The following HAPLN3 variants were observed in gnomAD, a reference collection of about 807,000 sequenced individuals.
The protein encoded by HAPLN3 is hyaluronan and proteoglycan link protein 3, also known as extracellular link domain containing, 1.
In HAPLN3, 28 loss-of-function variants were observed where a neutral mutation model predicts 28.1. The ratio of observed to expected loss-of-function variants is 1.00; its 90% CI spans 0.74 to 1.37. The LOEUF is 1.37. Ranked by LOEUF, HAPLN3 falls within the 40% of genes most tolerant of loss-of-function variation. The pLI is 0.00. For missense variants in HAPLN3, 513 were observed against 504.6 expected, an observed-to-expected ratio of 1.02 and a Z score of -0.16; for synonymous variants, 211 against 213.1, an observed-to-expected ratio of 0.99 and a Z score of 0.09.
Position 88,888,696 on chromosome 15 carries a change from G to T in HAPLN3, c.-47-1351C>A, listed in dbSNP as rs924703326. ...TCCTTGAAGGAGCTTGGTCCAGGGA[G>T]GGGGCAGAGTCGTGGGCAGGCAGTC... On this transcript the variant is annotated intron_variant, in intron 1 of 4. Transcript: ENST00000359595. The surrounding 1 kb of genome is among the most constrained non-coding windows in gnomAD (Gnocchi z 4.1). Among the ~76,000 whole-genome samples, 1 of 152,152 alleles carries T rather than the reference G, an allele frequency of 6.6e-6. No homozygotes were observed. The highest frequency in any genetic ancestry group is 2.4e-5 in the African/African-American group (1 of 41,428).
In HAPLN3 at chr15:88,877,689, T is replaced by G; in HGVS notation, c.*281A>C. On this transcript the variant is annotated 3_prime_UTR_variant, in exon 5 of 5. Transcript: ENST00000359595. The surrounding 1 kb of genome is among the most constrained non-coding windows in gnomAD (Gnocchi z 5.1). ...CGCCCACTCTGGGCACCAACCTCCTTAAGGGAGGGAGACCAGCCTGGATGG... is the reference window on the plus strand; with the variant it reads ...CGCCCACTCTGGGCACCAACCTCCTGAAGGGAGGGAGACCAGCCTGGATGG... 2.6e-6 allele frequency: 1 copy of G among 389,394 alleles called. No homozygotes were observed. Among genetic ancestry groups the G allele is most frequent in the East Asian group, 5.1e-5 (1 of 19,676 alleles). The allele number at this position is 389,394 out of a possible 1,614,324, so 24.1% of individuals were successfully genotyped here. A position where few individuals can be genotyped will look rare whatever the true frequency, so the allele number is the denominator to read the frequency against.
At chr15:88,890,337 T>A (rs901450662) in intron 1 of HAPLN3, among the ~76,000 whole-genome samples, 5 of 152,146 alleles carry the variant, frequency 3.3e-5, no homozygotes, top group Admixed American at 3.3e-4. Flanking sequence ...TTGATTCCTG[T>A]AAGCCCCCTT....
chr15:88,889,446 A>T (rs1021718099), intron 1 of HAPLN3, among the ~76,000 whole-genome samples: 17 of 152,202 alleles, frequency 1.1e-4, no homozygotes, highest in African/African-American at 4.1e-4. Context: ...AGTGATTCTC[A>T]TGCCTCAGCC....
intron 2 of HAPLN3, among the ~76,000 whole-genome samples, 163 bp downstream of exon 2, chr15:88,887,012 T>C (rs1165460466): frequency 1.3e-5 from 2 of 152,014 alleles, no homozygotes; most frequent in Non-Finnish European, 1.5e-5. Flanking sequence ...GAAAATGAAC[T>C]CACCCCTTCC....
chr15:88,883,074 A>T (rs981892171), intron 2 of HAPLN3, among the ~76,000 whole-genome samples: 1 of 152,260 alleles, frequency 6.6e-6, no homozygotes, highest in Non-Finnish European at 1.5e-5. Flanking sequence ...ATGGGTAAGC[A>T]GGAGACAGAC....
Position 88,881,140 on chromosome 15 carries a change from G to A in HAPLN3, c.493+217C>T, listed in dbSNP as rs569290175. 5 of 608,044 alleles carry A rather than the reference G, an allele frequency of 8.2e-6. No homozygotes were observed. Among genetic ancestry groups the A allele is most frequent in the Non-Finnish European group, 1.1e-5 (4 of 354,742 alleles). 37.7% of individuals were successfully genotyped at this position (608,044 alleles called of 1,614,324 possible). ...CTTGGGTTCAGACCCCAGCTCTGTC[G>A]TTTACAAGCTGTGTGACCTTAGGTA... On this transcript the variant is annotated intron_variant, in intron 3 of 4. Transcript: ENST00000359595. This position sits in a 1 kb window ranked among gnomAD's most constrained non-coding sequence, Gnocchi z 6.0.
intron 2 of HAPLN3, among the ~76,000 whole-genome samples, chr15:88,883,695 GTTCTA>G (rs1341461365): frequency 6.6e-6 from 1 of 152,210 alleles, no homozygotes; most frequent in African/African-American, 2.4e-5. Flanking sequence ...TAGAAAACGA[GTTCTA>G]TTCTATGAGG....
At chr15:88,886,049 G>A (rs145917150) in intron 2 of HAPLN3, among the ~76,000 whole-genome samples, 3 of 152,150 alleles carry the variant, frequency 2.0e-5, no homozygotes, top group East Asian at 1.9e-4. Context: ...TGCACTAATG[G>A]TTAAAAATGT....
At chr15:88,887,425 C>T in intron 1 of HAPLN3, 80 bp from the exon 2 acceptor site, 2 of 1,297,366 alleles carry the variant, frequency 1.5e-6, no homozygotes, top group Non-Finnish European at 2.1e-6. Context: ...ACACCACTCA[C>T]TCGCTTGCTC....
In HAPLN3 at chr15:88,881,781, C is replaced by A; in HGVS notation, c.125-56G>T. 1.3e-6 allele frequency: 2 copies of A among 1,544,354 alleles called. No individual in the cohort carries two copies. The highest frequency in any genetic ancestry group is 1.7e-6 in the Non-Finnish European group (2 of 1,143,126). On this transcript the variant is annotated intron_variant, in intron 2 of 4. Coordinates refer to ENST00000359595, the MANE Select transcript of HAPLN3 (RefSeq NM_178232.4). The surrounding 1 kb of genome is among the most constrained non-coding windows in gnomAD (Gnocchi z 6.0). ...CTGCTGAAGCACATCTGTACCCCTG[C>A]AAGGGCCACCGCACACCCTCATCCA...
intron 1 of HAPLN3, among the ~76,000 whole-genome samples, chr15:88,889,560 T>C (rs1201667786): frequency 6.6e-6 from 1 of 152,192 alleles, no homozygotes; most frequent in Non-Finnish European, 1.5e-5. Context: ...GGTCTCGAAC[T>C]CCTCGCCTCG....
In HAPLN3 at chr15:88,877,926, A is replaced by G. The variant is rs1211796220; in HGVS notation, c.*44T>C. ...CAAGGGAAAACGAACCACTCAATAAATACACAGCCAGTGAGGGAATGCGGC... is the reference window on the plus strand; with the variant it reads ...CAAGGGAAAACGAACCACTCAATAAGTACACAGCCAGTGAGGGAATGCGGC... On this transcript the variant is annotated 3_prime_UTR_variant, in exon 5 of 5. Coordinates refer to ENST00000359595, the MANE Select transcript of HAPLN3 (RefSeq NM_178232.4). The surrounding 1 kb of genome is among the most constrained non-coding windows in gnomAD (Gnocchi z 5.1). 3 of 1,533,542 alleles carry G rather than the reference A, an allele frequency of 2.0e-6. No individual in the cohort carries two copies. The South Asian group carries it at 3.8e-5, about 20-fold the overall frequency. The allele number at this position is 1,533,542 out of a possible 1,614,324, so 95.0% of individuals were successfully genotyped here.
In HAPLN3 at chr15:88,888,104, C is replaced by CTT. The variant is rs899189641; in HGVS notation, c.-47-761_-47-760dup. Among the ~76,000 whole-genome samples the CTT allele has an allele frequency of 4.6e-4, 65 of 140,026 alleles. No individual in the cohort carries two copies. The highest frequency in any genetic ancestry group is 1.6e-3 in the African/African-American group (61 of 37,596). 91.9% of individuals were successfully genotyped at this position (140,026 alleles called of 152,430 possible). A position where few individuals can be genotyped will look rare whatever the true frequency, so the allele number is the denominator to read the frequency against. ...AAAGATGAGTCCTGCATTGTGAACC[C>CTT]TTTTTTTTTTTTTTTGAGACAGAGT... is the stretch of plus-strand genomic sequence containing the variant. On this transcript the variant is annotated intron_variant, in intron 1 of 4. Transcript: ENST00000359595. This position sits in a 1 kb window ranked among gnomAD's most constrained non-coding sequence, Gnocchi z 4.1.
In HAPLN3 at chr15:88,888,187, G is replaced by A. The variant is rs1167787176; in HGVS notation, c.-47-842C>T. Among the ~76,000 whole-genome samples the A allele has an allele frequency of 6.6e-6, 1 of 150,882 alleles. No homozygotes were observed. The highest frequency in any genetic ancestry group is 1.5e-5 in the Non-Finnish European group (1 of 67,778). Reference sequence around the variant, plus strand: ...GCTCACTGCAACCTCCGCCTCCTGGGTTCAAGAAATTCTCCTGCCTCAGCC... The same window carrying A: ...GCTCACTGCAACCTCCGCCTCCTGGATTCAAGAAATTCTCCTGCCTCAGCC... On this transcript the variant is annotated intron_variant, in intron 1 of 4. Transcript: ENST00000359595. This position sits in a 1 kb window ranked among gnomAD's most constrained non-coding sequence, Gnocchi z 4.1.
In HAPLN3 at chr15:88,879,863, C is replaced by G; in HGVS notation, c.494-594G>C. 1 of 1,034,244 alleles carries G rather than the reference C, an allele frequency of 9.7e-7. No individual in the cohort carries two copies. Among genetic ancestry groups the G allele is most frequent in the Non-Finnish European group, 1.2e-6 (1 of 859,346 alleles). The allele number at this position is 1,034,244 out of a possible 1,614,324, so 64.1% of individuals were successfully genotyped here. On this transcript the variant is annotated intron_variant, in intron 3 of 4. Transcript: ENST00000359595. The surrounding 1 kb of genome is among the most constrained non-coding windows in gnomAD (Gnocchi z 5.0). ...TGTGGTCAGGGTCTGATAGAGGCCACAGGCCCTGAAAAGATATGTTCGTGT... is the reference window on the plus strand; with the variant it reads ...TGTGGTCAGGGTCTGATAGAGGCCAGAGGCCCTGAAAAGATATGTTCGTGT...
rs745850112 is a variant in HAPLN3 at position 88,892,971 on chromosome 15, C to T, written c.-48+2488G>A. 4.6e-6 allele frequency: 7 copies of T among 1,535,728 alleles called. No homozygotes were observed. The East Asian group carries it at 1.2e-4, about 27-fold the overall frequency. On this transcript the variant is annotated intron_variant, in intron 1 of 4. Coordinates refer to ENST00000359595, the MANE Select transcript of HAPLN3 (RefSeq NM_178232.4). Reference sequence around the variant, plus strand: ...GGCCCAAGACCAAGTCCAGCCCAGTCACCTTGGCAGTGGATAGTTCCCCAA... The same window carrying T: ...GGCCCAAGACCAAGTCCAGCCCAGTTACCTTGGCAGTGGATAGTTCCCCAA...
intron 2 of HAPLN3, among the ~76,000 whole-genome samples, chr15:88,886,410 C>T (rs955307411): frequency 1.3e-5 from 2 of 151,210 alleles, no homozygotes; most frequent in Admixed American, 6.6e-5. Flanking sequence ...TTTGTGATTA[C>T]AGGAGACGAC....
At chr15:88,887,507 C>T (rs561510850) in intron 1 of HAPLN3, among the ~76,000 whole-genome samples, 162 bp from the exon 2 acceptor site, 1 of 152,344 alleles carries the variant, frequency 6.6e-6, no homozygotes, top group South Asian at 2.1e-4. Flanking sequence ...ACAGCAGTGA[C>T]AAGCTAGATG....
chr15:88,880,575 A>G lies in HAPLN3; in HGVS notation c.493+782T>C. On this transcript the variant is annotated intron_variant, in intron 3 of 4. Coordinates refer to ENST00000359595, the MANE Select transcript of HAPLN3 (RefSeq NM_178232.4). This position sits in a 1 kb window ranked among gnomAD's most constrained non-coding sequence, Gnocchi z 6.0. ...CCTCTATCCCCGAACTGCCTCCCTA[A>G]CATGTGGGAGAGATGTGAGGACACA... 7.8e-7 allele frequency: 1 copy of G among 1,288,850 alleles called. No homozygotes were observed. The highest frequency in any genetic ancestry group is 1.0e-6 in the Non-Finnish European group (1 of 988,522). The allele number at this position is 1,288,850 out of a possible 1,614,324, so 79.8% of individuals were successfully genotyped here. A position where few individuals can be genotyped will look rare whatever the true frequency, so the allele number is the denominator to read the frequency against.
Sources: allele counts gnomAD v4.1 joint callset (sites outside exome capture counted in the v4.1 genomes callset), GRCh38; gene constraint gnomAD v4.1.1; non-coding constraint Gnocchi (gnomAD v3.1); transcripts MANE v1.5; gene names NCBI Gene and HGNC (gene_info 2026-07-23, HGNC 2026-07-21).